The following RNF220 variants were observed in gnomAD, a reference collection of about 807,000 sequenced individuals.
RNF220 encodes the protein E3 ubiquitin-protein ligase RNF220.
Under a neutral mutation model 67.1 loss-of-function variants are expected in RNF220, and 7 were observed. The ratio of observed to expected loss-of-function variants is 0.10; its 90% CI spans 0.06 to 0.20. The LOEUF is 0.20. Ranked by LOEUF, RNF220 falls within the 10% of genes least tolerant of loss-of-function variation. The pLI is 1.00. For synonymous variants in RNF220, 270 were observed against 283.2 expected (o/e 0.95, Z 0.47); for missense variants, 565 against 740.3 (o/e 0.76, Z 2.75).
At chr1:44,538,818 A>G (rs1661440500) in intron 2 of RNF220, among the ~76,000 whole-genome samples, 3 of 148,426 alleles carry the variant, frequency 2.0e-5, no homozygotes, top group Admixed American at 1.4e-4. Flanking sequence ...CGGGAGGCTG[A>G]GGCAGGAGAA....
At chr1:44,467,626 G>A in intron 2 of RNF220, among the ~76,000 whole-genome samples, 1 of 152,230 alleles carries the variant, frequency 6.6e-6, no homozygotes, top group East Asian at 1.9e-4. Flanking sequence ...TGGCTGGTTT[G>A]ATCTTCTATC....
At chr1:44,527,923 C>CA (rs1491411733) in intron 2 of RNF220, among the ~76,000 whole-genome samples, 100 of 7,390 alleles carry the variant, frequency 0.014, 22 homozygotes, top group Non-Finnish European at 0.038. Context: ...AAGACTCCAT[C>CA]CCAAAAAAAA....
In RNF220 at chr1:44,632,521, G is replaced by A. The variant is rs926718696; in HGVS notation, c.949+136G>A. The A allele has an allele frequency of 2.8e-5, 24 of 859,858 alleles. No homozygotes were observed. In the East Asian group the frequency reaches 5.6e-4, roughly 20 times the overall value. 53.3% of individuals were successfully genotyped at this position (859,858 alleles called of 1,614,324 possible). A position where few individuals can be genotyped will look rare whatever the true frequency, so the allele number is the denominator to read the frequency against. On this transcript the variant is annotated intron_variant, in intron 6 of 14. Coordinates refer to ENST00000361799, the MANE Select transcript of RNF220 (RefSeq NM_018150.4). ...GCTTCTTCGCAGTCACGGCGCCTGA[G>A]TATGTGCAAACCAAAGCTGCCGCTC... is the stretch of plus-strand genomic sequence containing the variant.
intron 2 of RNF220, among the ~76,000 whole-genome samples, chr1:44,463,179 A>T (rs1653949798): frequency 6.6e-6 from 1 of 152,174 alleles, no homozygotes; most frequent in South Asian, 2.1e-4. Flanking sequence ...TCTACTAAAA[A>T]TACAAAATTA....
At chr1:44,415,023 C>T (rs1648379269) in intron 2 of RNF220, among the ~76,000 whole-genome samples, 1 of 148,586 alleles carries the variant, frequency 6.7e-6, no homozygotes, top group Non-Finnish European at 1.5e-5. Flanking sequence ...TTACTCCCTT[C>T]CTTACCTTAG....
chr1:44,632,402 C>CCCCACCCA lies in RNF220; in HGVS notation c.949+19_949+20insCACCCACC. 1 of 1,607,470 alleles carries CCCCACCCA rather than the reference C, an allele frequency of 6.2e-7. No individual in the cohort carries two copies. The highest frequency in any genetic ancestry group is 8.5e-7 in the Non-Finnish European group (1 of 1,177,384). On this transcript the variant is annotated intron_variant, in intron 6 of 14. Coordinates refer to ENST00000361799, the MANE Select transcript of RNF220 (RefSeq NM_018150.4). ...GACTGAATGGTGAGTCCTGCCCGGC[C>CCCCACCCA]CCTCCCTCCGCCCCACCCCCGGCCT...
At chr1:44,596,498 G>T (rs1030346140) in intron 2 of RNF220, among the ~76,000 whole-genome samples, 5 of 151,494 alleles carry the variant, frequency 3.3e-5, no homozygotes, top group Non-Finnish European at 5.9e-5. Context: ...AGAGGCGGAG[G>T]TGGCAGTGAG....
At position 44,650,398 on chromosome 1, in the gene RNF220, CTG is replaced by C; in HGVS notation, c.1630-302_1630-301del. 1 of 506,972 alleles carries C rather than the reference CTG, an allele frequency of 2.0e-6. No homozygotes were observed. The allele number at this position is 506,972 out of a possible 1,614,324, so 31.4% of individuals were successfully genotyped here. On this transcript the variant is annotated intron_variant, in intron 14 of 14. Coordinates refer to ENST00000361799, the MANE Select transcript of RNF220 (RefSeq NM_018150.4). This position sits in a 1 kb window ranked among gnomAD's most constrained non-coding sequence, Gnocchi z 4.3. ...GTAATAAAAGGCTCGGACGTGGGCT[CTG>C]TGTCCTGATCAAAGGCCGCGTGTAA...
rs751180704 is a variant in RNF220 at position 44,624,754 on chromosome 1, GC to G, written c.805-1541del. 1.9e-3 allele frequency among the ~76,000 whole-genome samples: 290 copies of G among 152,272 alleles called. 1 individual carries two copies. The highest frequency in any genetic ancestry group is 2.5e-3 in the Non-Finnish European group (170 of 68,024). ...CTCGTTGCCATTAAGAAAAAAATTA[GC>G]CGGTGGCGGCTATCATATTAAAGGG... On this transcript the variant is annotated intron_variant, in intron 4 of 14. Coordinates refer to ENST00000361799, the MANE Select transcript of RNF220 (RefSeq NM_018150.4). The surrounding 1 kb of genome is among the most constrained non-coding windows in gnomAD (Gnocchi z 4.2).
intron 2 of RNF220, among the ~76,000 whole-genome samples, chr1:44,607,446 CT>C (rs1404603272): frequency 2.6e-5 from 4 of 152,060 alleles, no homozygotes; most frequent in Non-Finnish European, 5.9e-5. Context: ...CAGTTCCTCA[CT>C]TAGGCTCTTT....
chr1:44,408,948 C>T (rs1428211720), intron 1 of RNF220: 1 of 152,250 alleles, frequency 6.6e-6, no homozygotes, highest in African/African-American at 2.4e-5. Flanking sequence ...GGGAGATTAC[C>T]TACTCTCTGA....
intron 2 of RNF220, among the ~76,000 whole-genome samples, chr1:44,452,282 G>T (rs990493292): frequency 6.6e-6 from 1 of 152,174 alleles, no homozygotes; most frequent in Non-Finnish European, 1.5e-5. Flanking sequence ...AGCTGGGTGC[G>T]GTGGCTCACG....
At chr1:44,429,652 A>T (rs1650149502) in intron 2 of RNF220, among the ~76,000 whole-genome samples, 2 of 152,222 alleles carry the variant, frequency 1.3e-5, no homozygotes, top group African/African-American at 4.8e-5. Context: ...TTGAAGATGG[A>T]GGTGGGAAGA....
At chr1:44,434,747 C>T (rs1418842121) in intron 2 of RNF220, among the ~76,000 whole-genome samples, 3 of 150,940 alleles carry the variant, frequency 2.0e-5, no homozygotes, top group East Asian at 1.9e-4. Flanking sequence ...TTGGCTGTTG[C>T]GTGACTAACA....
intron 2 of RNF220, among the ~76,000 whole-genome samples, chr1:44,448,724 G>A (rs1652354834): frequency 6.6e-6 from 1 of 152,166 alleles, no homozygotes. Flanking sequence ...TCTCGCCCTT[G>A]CCCTCAAGAT....
chr1:44,518,618 T>C (rs1659650327), intron 2 of RNF220, among the ~76,000 whole-genome samples: 1 of 152,168 alleles, frequency 6.6e-6, no homozygotes, highest in Non-Finnish European at 1.5e-5. Context: ...GGCTCACACC[T>C]GTAATCCCAG....
chr1:44,551,678 A>G (rs993278706), intron 2 of RNF220, among the ~76,000 whole-genome samples: 2 of 152,178 alleles, frequency 1.3e-5, no homozygotes, highest in African/African-American at 2.4e-5. Context: ...TTGATTAGCC[A>G]AAGGGGAAAA....
intron 1 of RNF220, among the ~76,000 whole-genome samples, chr1:44,409,151 G>T (rs966934287): frequency 8.5e-4 from 128 of 150,358 alleles, no homozygotes; most frequent in African/African-American, 3.0e-3. Flanking sequence ...GATAGCTGGC[G>T]TTTTGCAATC....
chr1:44,649,612 C>G lies in RNF220; in HGVS notation c.1446-49C>G, dbSNP rs1458792219. 3.2e-6 allele frequency: 5 copies of G among 1,550,830 alleles called. No homozygotes were observed. In the South Asian group the frequency reaches 5.6e-5, roughly 17 times the overall value. On this transcript the variant is annotated intron_variant, in intron 12 of 14. Transcript: ENST00000361799. This position sits in a 1 kb window ranked among gnomAD's most constrained non-coding sequence, Gnocchi z 5.9. ...TCAAGGGAGGCGTAGGCTGGAGGTACAGATGAGAGATGCCAGCCTGCTACC... is the reference window on the plus strand; with the variant it reads ...TCAAGGGAGGCGTAGGCTGGAGGTAGAGATGAGAGATGCCAGCCTGCTACC...
Sources: allele counts gnomAD v4.1 joint callset (sites outside exome capture counted in the v4.1 genomes callset), GRCh38; gene constraint gnomAD v4.1.1; non-coding constraint Gnocchi (gnomAD v3.1); transcripts MANE v1.5; gene names NCBI Gene and HGNC (gene_info 2026-07-23, HGNC 2026-07-21).